Variants in FBXL4 observed in about 807,000 individuals in gnomAD.
The protein encoded by FBXL4 is F-box and leucine rich repeat protein 4, also known as F-box/LRR-repeat protein 4.
FBXL4 carries 40 observed loss-of-function variants against 58.9 expected under a neutral mutation model. That is an observed-to-expected ratio of 0.68 (90% CI 0.53 to 0.88). FBXL4 has a LOEUF of 0.88. Among genes scored for constraint, FBXL4 ranks in the 40% least tolerant of loss-of-function variants. The probability of loss-of-function intolerance (pLI) is 0.00; values close to 1 mark genes in which losing one functional copy is unlikely to be tolerated. For missense variants in FBXL4, 676 were observed against 734.4 expected (o/e 0.92, Z 0.92); for synonymous variants, 263 against 265.5 (o/e 0.99, Z 0.09).
At position 98,926,663 on chromosome 6, in the gene FBXL4, C is replaced by T; in HGVS notation, c.326G>A (p.Ser109Asn). ...TYGTWWDQCP[S>N]ASLPFKRTPP... The stretch of plus-strand genomic sequence containing the variant: ...CGTCCTCTTGAATGGCAAGGAAGCA[C>T]TAGGACACTGATCCCACCATGTCCC... Residue 109 changes from serine (S) to asparagine (N), a missense_variant, in exon 4 of 10, where the codon AGT (serine) becomes AAT (asparagine). By Grantham distance (46) the Ser-to-Asn change is conservative. Transcript: ENST00000369244. 1 of 1,614,156 alleles carries T rather than the reference C, an allele frequency of 6.2e-7. No individual in the cohort carries two copies. Among genetic ancestry groups the T allele is most frequent in the Non-Finnish European group, 8.5e-7 (1 of 1,180,018 alleles).
At chr6:98,896,215 G>A (rs913322197) in intron 7 of FBXL4, among the ~76,000 whole-genome samples, 1 of 152,126 alleles carries the variant, frequency 6.6e-6, no homozygotes, top group Non-Finnish European at 1.5e-5. Context: ...CCTACACCTT[G>A]TCTTCTCATT....
rs549418795 is a variant in FBXL4, at chr6:98,917,837, G to T, written c.513-118C>A. 13 of 665,164 alleles carry T rather than the reference G, an allele frequency of 2.0e-5. No individual in the cohort carries two copies. The Admixed American group carries it at 2.0e-4, about 10-fold the overall frequency. 41.2% of individuals were successfully genotyped at this position (665,164 alleles called of 1,614,324 possible). A position where few individuals can be genotyped will look rare whatever the true frequency, so the allele number is the denominator to read the frequency against. On this transcript the variant is annotated intron_variant, in intron 4 of 9. Transcript: ENST00000369244. ...TGAAACAAAGTCATCAAAATAAATA[G>T]AATCCAATATAAGTATTGTTCCCAA...
At chr6:98,913,312 G>A (rs1056715371) in intron 5 of FBXL4, among the ~76,000 whole-genome samples, 4 of 151,920 alleles carry the variant, frequency 2.6e-5, no homozygotes, top group African/African-American at 7.3e-5. Flanking sequence ...AACTCAGCTC[G>A]GCATCAAGCG....
intron 5 of FBXL4, among the ~76,000 whole-genome samples, chr6:98,912,484 G>T (rs1462445541): frequency 6.6e-6 from 1 of 152,174 alleles, no homozygotes; most frequent in Admixed American, 6.5e-5. Context: ...CCTCTCGGCA[G>T]AAACTCTACA....
At position 98,905,551 on chromosome 6, in the gene FBXL4, T is replaced by C. The variant is rs61744041; in HGVS notation, c.978A>G (p.Gln326=). The change falls in exon 6 of 10, where the codon CAA becomes CAG. Residue 326 remains glutamine (Q), a synonymous_variant. Coordinates refer to ENST00000369244, the MANE Select transcript of FBXL4 (RefSeq NM_001278716.2). Reference sequence around the variant, plus strand: ...TGTCATCTAGTTTTGCCCAGTATGGTTGCAGATTGAGGTGGATGTATTGCA... The same window carrying C: ...TGTCATCTAGTTTTGCCCAGTATGGCTGCAGATTGAGGTGGATGTATTGCA... ...DPLQYIHLNL[Q]PYWAKLDDTS... is the part of the protein sequence containing the mutation. 5.4e-3 allele frequency: 8,738 copies of C among 1,614,032 alleles called. 48 individuals are homozygous for C. Among genetic ancestry groups the C allele is most frequent in the Middle Eastern group, 0.017 (102 of 6,060 alleles).
chr6:98,896,309 T>C (rs963693140), intron 7 of FBXL4, among the ~76,000 whole-genome samples: 3 of 152,180 alleles, frequency 2.0e-5, no homozygotes, highest in Non-Finnish European at 4.4e-5. Flanking sequence ...ACATAACGCT[T>C]TGCTTAAGTG....
At position 98,926,689 on chromosome 6, in the gene FBXL4, A is replaced by C. The variant is rs573472397; in HGVS notation, c.300T>G (p.Tyr100Ter). Residue 100 changes from tyrosine to a stop codon, truncating the protein, a stop_gained, in exon 4 of 10, where the codon TAT (tyrosine) becomes TAG (stop). Coordinates refer to ENST00000369244, the MANE Select transcript of FBXL4 (RefSeq NM_001278716.2). LOFTEE classifies it high-confidence loss of function. ...DFTQTAVFRT[Y>*]GTWWDQCPSA... Reference sequence around the variant, plus strand: ...TAGGACACTGATCCCACCATGTCCCATAAGTTCGAAACACAGCTGTCTGAG... The same window carrying C: ...TAGGACACTGATCCCACCATGTCCCCTAAGTTCGAAACACAGCTGTCTGAG... 6.2e-7 allele frequency: 1 copy of C among 1,614,234 alleles called. No homozygotes were observed. The highest frequency in any genetic ancestry group is 8.5e-7 in the Non-Finnish European group (1 of 1,180,032).
rs1455729128 is a variant in FBXL4 at position 98,873,118 on chromosome 6, G to A, written c.*1160C>T. On this transcript the variant is annotated 3_prime_UTR_variant, in exon 10 of 10. Transcript: ENST00000369244. ...GAACACAAAACTAATATTAACTGTAGTATAACAAAATTCATTGTCCTGTTA... is the reference window on the plus strand; with the variant it reads ...GAACACAAAACTAATATTAACTGTAATATAACAAAATTCATTGTCCTGTTA... 2 of 151,412 alleles carry A rather than the reference G, an allele frequency of 1.3e-5. No individual in the cohort carries two copies. Among genetic ancestry groups the A allele is most frequent in the Non-Finnish European group, 2.9e-5 (2 of 67,888 alleles). The allele number at this position is 151,412 out of a possible 1,614,324, so 9.4% of individuals were successfully genotyped here.
At chr6:98,920,684 T>G (rs1772545717) in intron 4 of FBXL4, among the ~76,000 whole-genome samples, 1 of 152,120 alleles carries the variant, frequency 6.6e-6, no homozygotes, top group Admixed American at 6.6e-5. Context: ...GAGAAAGGTA[T>G]CTATCTTACC....
chr6:98,903,530 G>A (rs1771691100), intron 6 of FBXL4, among the ~76,000 whole-genome samples: 1 of 152,028 alleles, frequency 6.6e-6, no homozygotes, highest in Non-Finnish European at 1.5e-5. Context: ...ACTACCCTGG[G>A]TGAATTGAAA....
chr6:98,945,867 GCAACT>G (rs948135989), intron 1 of FBXL4, among the ~76,000 whole-genome samples: 6 of 152,258 alleles, frequency 3.9e-5, no homozygotes, highest in African/African-American at 1.4e-4. Flanking sequence ...ACTGTAAGGA[GCAACT>G]CTAGTCGCAA....
At position 98,913,087 on chromosome 6, in the gene FBXL4, T is replaced by C. The variant is rs188925151; in HGVS notation, c.858+4287A>G. Reference sequence around the variant, plus strand: ...GATCAAAAGAGACAAAGAAGGCCATTACACAATGGTAAAGGGATCAATTCA... The same window carrying C: ...GATCAAAAGAGACAAAGAAGGCCATCACACAATGGTAAAGGGATCAATTCA... On this transcript the variant is annotated intron_variant, in intron 5 of 9. Coordinates refer to ENST00000369244, the MANE Select transcript of FBXL4 (RefSeq NM_001278716.2). Among the ~76,000 whole-genome samples, 664 of 152,238 alleles carry C rather than the reference T, an allele frequency of 4.4e-3. 4 individuals carry two copies. Among genetic ancestry groups the C allele is most frequent in the African/African-American group, 0.016 (650 of 41,528 alleles).
intron 2 of FBXL4, among the ~76,000 whole-genome samples, chr6:98,928,270 C>A (rs976115906): frequency 6.6e-6 from 1 of 151,868 alleles, no homozygotes; most frequent in Non-Finnish European, 1.5e-5. Context: ...ATAAAACAAA[C>A]TTATTTTTGT....
At chr6:98,904,437 T>C (rs1372338947) in intron 6 of FBXL4, among the ~76,000 whole-genome samples, 4 of 152,220 alleles carry the variant, frequency 2.6e-5, no homozygotes, top group Admixed American at 2.0e-4. Context: ...ATTGTTACTA[T>C]TTCAAACATC....
chr6:98,930,749 AACAG>A (rs946853704), intron 2 of FBXL4, among the ~76,000 whole-genome samples: 4 of 152,186 alleles, frequency 2.6e-5, no homozygotes, highest in Non-Finnish European at 5.9e-5. Context: ...CCGTCTCAAA[AACAG>A]ACAGACAACT....
intron 7 of FBXL4, among the ~76,000 whole-genome samples, chr6:98,896,238 T>C (rs541302918): frequency 2.6e-5 from 4 of 152,264 alleles, no homozygotes; most frequent in Admixed American, 6.5e-5. Context: ...CTGTTTGCTC[T>C]CATACACCAT....
chr6:98,894,628 T>C (rs1038635258), intron 7 of FBXL4, among the ~76,000 whole-genome samples: 3 of 152,214 alleles, frequency 2.0e-5, no homozygotes, highest in African/African-American at 7.2e-5. Context: ...TTGGGCTTAC[T>C]GTATACCCGT....
At chr6:98,884,899 G>A (rs1770981657) in intron 7 of FBXL4, among the ~76,000 whole-genome samples, 1 of 152,094 alleles carries the variant, frequency 6.6e-6, no homozygotes, top group Non-Finnish European at 1.5e-5. Context: ...ATGTCCACGT[G>A]TTATTCTATA....
At chr6:98,886,710 T>G (rs1013345574) in intron 7 of FBXL4, among the ~76,000 whole-genome samples, 20 of 152,314 alleles carry the variant, frequency 1.3e-4, no homozygotes, top group African/African-American at 4.3e-4. Context: ...CTGCGGATAC[T>G]GCAGGACCAG....
Sources: allele counts gnomAD v4.1 joint callset (sites outside exome capture counted in the v4.1 genomes callset), GRCh38; gene constraint gnomAD v4.1.1; transcripts MANE v1.5; gene names NCBI Gene and HGNC (gene_info 2026-07-23, HGNC 2026-07-21).